Variants in USP31 observed in about 807,000 individuals in gnomAD.
USP31 encodes the protein ubiquitin specific peptidase 31.
In USP31, 44 loss-of-function variants were observed where a neutral mutation model predicts 119.4. That is an observed-to-expected ratio of 0.37 (90% CI 0.29 to 0.47). USP31 has a LOEUF of 0.47. USP31 is among the 20% of genes least tolerant of loss of function. The probability of loss-of-function intolerance (pLI) is 0.99; values close to 1 mark genes in which losing one functional copy is unlikely to be tolerated. For synonymous variants in USP31, 749 were observed against 705.6 expected, an observed-to-expected ratio of 1.06 and a Z score of -0.97; for missense variants, 1,643 against 1,730.2, an observed-to-expected ratio of 0.95 and a Z score of 0.89.
chr16:23,098,386 TG>T (rs1407400688), intron 6 of USP31, among the ~76,000 whole-genome samples: 2 of 152,072 alleles, frequency 1.3e-5, no homozygotes, highest in African/African-American at 4.8e-5. Context: ...ATCGTGAAAA[TG>T]GCCATACTGC....
At position 23,068,433 on chromosome 16, in the gene USP31, C is replaced by T. The variant is rs1567222763; in HGVS notation, c.3672G>A (p.Lys1224=). 1.2e-6 allele frequency: 2 copies of T among 1,613,786 alleles called. No homozygotes were observed. Among genetic ancestry groups the T allele is most frequent in the Admixed American group, 3.3e-5 (2 of 60,032 alleles). The change falls in exon 16 of 16, where the codon AAG becomes AAA. Residue 1224 remains lysine, a synonymous_variant. Transcript: ENST00000219689. ...AGGCTGATTTGAAGAAGGACAGCCCCTTGTCCTCAGACTTGCTGTCCCTCT... is the reference window on the plus strand; with the variant it reads ...AGGCTGATTTGAAGAAGGACAGCCCTTTGTCCTCAGACTTGCTGTCCCTCT... ...GLKRDSKSED[K]GLSFFKSALR...
intron 15 of USP31, among the ~76,000 whole-genome samples, chr16:23,071,523 T>C (rs560529083): frequency 2.1e-4 from 32 of 152,038 alleles, no homozygotes; most frequent in South Asian, 1.5e-3. Context: ...ACTATCTCTA[T>C]GCAAAGGCAA....
chr16:23,084,246 C>G (rs1444218604), intron 11 of USP31, among the ~76,000 whole-genome samples: 1 of 152,112 alleles, frequency 6.6e-6, no homozygotes, highest in Non-Finnish European at 1.5e-5. Flanking sequence ...AGGCCTGGGC[C>G]CCACCCAAAG....
At position 23,118,504 on chromosome 16, in the gene USP31, C is replaced by A. The variant is rs368609699; in HGVS notation, c.634-10321G>T. Among the ~76,000 whole-genome samples the A allele has an allele frequency of 6.1e-4, 92 of 151,888 alleles. 1 individual carries two copies. Among genetic ancestry groups the A allele is most frequent in the Non-Finnish European group, 9.7e-4 (66 of 67,946 alleles). On this transcript the variant is annotated intron_variant, in intron 1 of 15. Coordinates refer to ENST00000219689, the MANE Select transcript of USP31 (RefSeq NM_020718.4). ...TCTAATGTGAAGCCAAGTCTGAGAACGAACACAGCCACACTGGAAAAGCTC... is the reference window on the plus strand; with the variant it reads ...TCTAATGTGAAGCCAAGTCTGAGAAAGAACACAGCCACACTGGAAAAGCTC...
chr16:23,088,891 C>A (rs1187799548), intron 7 of USP31, among the ~76,000 whole-genome samples: 3 of 152,190 alleles, frequency 2.0e-5, no homozygotes, highest in Admixed American at 2.0e-4. Context: ...CAGATTAACT[C>A]TGACTCAGGC....
intron 1 of USP31, among the ~76,000 whole-genome samples, chr16:23,145,920 C>T (rs1903490140): frequency 6.6e-6 from 1 of 152,176 alleles, no homozygotes; most frequent in Admixed American, 6.5e-5. Flanking sequence ...GTGAAACCTA[C>T]TAAAGGTTCA....
chr16:23,072,541 T>A (rs1411000010), intron 14 of USP31: 1 of 569,896 alleles, frequency 1.8e-6, no homozygotes, highest in African/African-American at 1.9e-5. Context: ...TTATGAAGCA[T>A]CTACATGCCA....
At chr16:23,146,573 CT>C (rs1294418257) in intron 1 of USP31, among the ~76,000 whole-genome samples, 1 of 152,056 alleles carries the variant, frequency 6.6e-6, no homozygotes, top group African/African-American at 2.4e-5. Flanking sequence ...TGACATAGAT[CT>C]TTTTTTCCAG....
At chr16:23,093,805 A>C (rs1901477838) in intron 6 of USP31, among the ~76,000 whole-genome samples, 1 of 152,258 alleles carries the variant, frequency 6.6e-6, no homozygotes, top group African/African-American at 2.4e-5. Flanking sequence ...ATTAGTGGAT[A>C]AACAAAATGT....
intron 4 of USP31, among the ~76,000 whole-genome samples, chr16:23,105,955 C>G (rs1902082223): frequency 6.6e-6 from 1 of 152,088 alleles, no homozygotes. Context: ...ACTCAGCAGC[C>G]CCCGTCCCCC....
chr16:23,100,720 G>A (rs569192156), intron 6 of USP31, among the ~76,000 whole-genome samples: 2 of 152,256 alleles, frequency 1.3e-5, no homozygotes, highest in South Asian at 2.1e-4. Context: ...CAGCCTGAGC[G>A]ACAGAGCAAG....
chr16:23,114,466 A>AAAG (rs900317078), intron 1 of USP31, among the ~76,000 whole-genome samples: 9 of 152,252 alleles, frequency 5.9e-5, no homozygotes, highest in African/African-American at 1.9e-4. Context: ...AAAAAAAAAA[A>AAAG]AAAGAAAGTT....
chr16:23,091,859 A>G (rs1405568219), intron 6 of USP31, among the ~76,000 whole-genome samples: 4 of 152,268 alleles, frequency 2.6e-5, no homozygotes, highest in Admixed American at 6.5e-5. Context: ...GAACAGGAGT[A>G]GATCTTACTT....
At chr16:23,076,286 G>A (rs1345255363) in intron 13 of USP31, among the ~76,000 whole-genome samples, 2 of 134,920 alleles carry the variant, frequency 1.5e-5, no homozygotes, top group East Asian at 4.4e-4. Context: ...AAAAGTTGAT[G>A]TTAAAAAAAA....
Position 23,102,319 on chromosome 16 carries a change from C to T in USP31, c.1234G>A (p.Gly412Arg). The T allele has an allele frequency of 6.2e-7, 1 of 1,613,462 alleles. No individual in the cohort carries two copies. The change falls in exon 6 of 16, where the codon GGA (glycine) becomes AGA (arginine). Residue 412 changes from glycine to arginine, a missense_variant and splice_region_variant. Around this residue, in one of 5 missense-constraint regions of USP31, gnomAD observed 219 missense variants for 226.4 expected, o/e 0.97. Transcript: ENST00000219689. ...FRPEGILSQR[G>R]IHLNNNLNHL... ...ATTATGGAAACAGGAGCTCCCTTACCTCTTTGACTGAGAATTCCTTCAGGC... is the reference window on the plus strand; with the variant it reads ...ATTATGGAAACAGGAGCTCCCTTACTTCTTTGACTGAGAATTCCTTCAGGC...
chr16:23,124,003 A>C (rs965694973), intron 1 of USP31, among the ~76,000 whole-genome samples: 3 of 152,150 alleles, frequency 2.0e-5, no homozygotes, highest in East Asian at 1.9e-4. Context: ...TATCTCAAAA[A>C]AAAAAAGAAG....
At chr16:23,115,737 TA>T (rs1446548208) in intron 1 of USP31, 1 of 974,644 alleles carries the variant, frequency 1.0e-6, no homozygotes, top group African/African-American at 1.8e-5. Flanking sequence ...AGTTACTAAA[TA>T]ATAAAGTAAA....
At chr16:23,142,657 G>C (rs942182311) in intron 1 of USP31, among the ~76,000 whole-genome samples, 1 of 152,048 alleles carries the variant, frequency 6.6e-6, no homozygotes, top group Non-Finnish European at 1.5e-5. Context: ...TGAAAGGCTA[G>C]GAACTACTCA....
chr16:23,134,487 A>G (rs146232777), intron 1 of USP31, among the ~76,000 whole-genome samples: 1 of 152,284 alleles, frequency 6.6e-6, no homozygotes, highest in Non-Finnish European at 1.5e-5. Flanking sequence ...ATTAAGCCCA[A>G]AGAGTTAAGT....
Sources: gnomAD v4.1 joint callset for allele counts (sites outside exome capture counted in the v4.1 genomes callset) on GRCh38, gnomAD v4.1.1 for gene constraint, gnomAD v4.1.1 regional missense constraint, MANE v1.5 for transcripts, NCBI Gene and HGNC (gene_info 2026-07-23, HGNC 2026-07-21) for gene names.